The following HDGFL3 variants were observed in gnomAD, a reference collection of about 807,000 sequenced individuals.
The protein encoded by HDGFL3 is hepatoma-derived growth factor-related protein 3.
Under a neutral mutation model 27.6 loss-of-function variants are expected in HDGFL3, and 6 were observed. The observed-to-expected ratio is 0.22, with a 90% CI of 0.12 to 0.43. The LOEUF is 0.43. HDGFL3 is among the 20% of genes least tolerant of loss of function. The pLI, the probability that HDGFL3 is intolerant of heterozygous loss-of-function variation, is 1.00. For missense variants in HDGFL3, 207 were observed against 250.1 expected (o/e 0.83, Z 1.16); for synonymous variants, 88 against 88.9 (o/e 0.99, Z 0.05).
chr15:83,122,402 G>T (rs1363746463), intron 3 of HDGFL3, among the ~76,000 whole-genome samples: 1 of 151,332 alleles, frequency 6.6e-6, no homozygotes, highest in African/African-American at 2.4e-5. Context: ...TAGGTAGATA[G>T]ATAGATAGAT....
rs974498305 is a variant in HDGFL3, at chr15:83,137,146, GT to G, written c.*2123del. The G allele has an allele frequency of 2.6e-5, 4 of 152,100 alleles. No homozygotes were observed. Among genetic ancestry groups the G allele is most frequent in the African/African-American group, 9.7e-5 (4 of 41,428 alleles). 9.4% of individuals were successfully genotyped at this position (152,100 alleles called of 1,614,324 possible). A position where few individuals can be genotyped will look rare whatever the true frequency, so the allele number is the denominator to read the frequency against. On this transcript the variant is annotated 3_prime_UTR_variant, in exon 6 of 6. Coordinates refer to ENST00000299633, the MANE Select transcript of HDGFL3 (RefSeq NM_016073.4). Reference sequence around the variant, plus strand: ...GCAAATCATCAGAATATTTTTAAATGTTGTTTGAAAAATGTTTTCCCAAGGA... The same window carrying G: ...GCAAATCATCAGAATATTTTTAAATGTGTTTGAAAAATGTTTTCCCAAGGA...
chr15:83,176,392 T>C (rs2037311441), intron 1 of HDGFL3, among the ~76,000 whole-genome samples: 1 of 152,186 alleles, frequency 6.6e-6, no homozygotes, highest in African/African-American at 2.4e-5. Context: ...AAACTGAATT[T>C]TGAATACTTA....
chr15:83,119,633 C>G (rs201945324), intron 3 of HDGFL3: 14 of 1,614,196 alleles, frequency 8.7e-6, no homozygotes, highest in East Asian at 2.2e-5. Flanking sequence ...TGGGATGGCT[C>G]TGCTCATTAT....
chr15:83,144,804 G>A (rs1304363753), intron 5 of HDGFL3: 6 of 338,272 alleles, frequency 1.8e-5, no homozygotes, highest in Non-Finnish European at 2.9e-5. Flanking sequence ...CACCTGAATG[G>A]ACTGTTGATG....
intron 1 of HDGFL3, among the ~76,000 whole-genome samples, chr15:83,171,711 T>C (rs2037248507): frequency 6.6e-6 from 1 of 151,836 alleles, no homozygotes; most frequent in Non-Finnish European, 1.5e-5. Context: ...AATGCAAAGA[T>C]GAGAACAGTA....
chr15:83,139,118 AG>A lies in HDGFL3; in HGVS notation c.*151del, dbSNP rs2036715345. 2.2e-6 allele frequency: 1 copy of A among 448,824 alleles called. No individual in the cohort carries two copies. The highest frequency in any genetic ancestry group is 4.0e-6 in the Non-Finnish European group (1 of 250,222). 27.8% of individuals were successfully genotyped at this position (448,824 alleles called of 1,614,324 possible). A position where few individuals can be genotyped will look rare whatever the true frequency, so the allele number is the denominator to read the frequency against. ...ATGTCTTTTCCCCCCGAAACACAAC[AG>A]AGAGGAATATGAATAATGTACATAC... On this transcript the variant is annotated 3_prime_UTR_variant, in exon 6 of 6. Transcript: ENST00000299633.
intron 1 of HDGFL3, among the ~76,000 whole-genome samples, chr15:83,166,528 C>T (rs1394625179): frequency 6.6e-6 from 1 of 152,170 alleles, no homozygotes; most frequent in Non-Finnish European, 1.5e-5. Context: ...ACAGAGCCTG[C>T]AGACCCTATA....
At chr15:83,146,232 G>T (rs1386494950) in intron 5 of HDGFL3, among the ~76,000 whole-genome samples, 1 of 151,978 alleles carries the variant, frequency 6.6e-6, no homozygotes, top group Non-Finnish European at 1.5e-5. Context: ...TGTAAATACT[G>T]TCTTAAGCCA....
intron 3 of HDGFL3, among the ~76,000 whole-genome samples, chr15:83,116,530 T>C (rs1243218074): frequency 6.6e-6 from 1 of 152,244 alleles, no homozygotes; most frequent in African/African-American, 2.4e-5. Context: ...TCTTCATCCA[T>C]GTTCAGATAA....
rs1483541825 is a variant in HDGFL3, at chr15:83,136,873, T to C, written c.*2397A>G. ...GGAAATTCTTGAGAAACAGTTTGTT[T>C]AAAGAAATATATTCAAAATCATTTG... On this transcript the variant is annotated 3_prime_UTR_variant, in exon 6 of 6. Coordinates refer to ENST00000299633, the MANE Select transcript of HDGFL3 (RefSeq NM_016073.4). 1 of 391,058 alleles carries C rather than the reference T, an allele frequency of 2.6e-6. No individual in the cohort carries two copies. Among genetic ancestry groups the C allele is most frequent in the African/African-American group, 2.1e-5 (1 of 48,534 alleles). 24.2% of individuals were successfully genotyped at this position (391,058 alleles called of 1,614,324 possible). A position where few individuals can be genotyped will look rare whatever the true frequency, so the allele number is the denominator to read the frequency against.
chr15:83,127,568 C>G, downstream of HDGFL3: 2 of 1,411,362 alleles, frequency 1.4e-6, no homozygotes, highest in Non-Finnish European at 2.0e-6. Context: ...GTGTTTTAGA[C>G]TAGGAGATAG....
At chr15:83,195,029 A>G (rs1023171377) in intron 1 of HDGFL3, among the ~76,000 whole-genome samples, 12 of 152,210 alleles carry the variant, frequency 7.9e-5, no homozygotes, top group African/African-American at 2.9e-4. Flanking sequence ...TAGTTGTATT[A>G]CAAATAATGT....
In HDGFL3 at chr15:83,131,796, G is replaced by A. The variant is rs1047583894; in HGVS notation, c.*7474C>T. 6.6e-5 allele frequency: 10 copies of A among 152,180 alleles called. No homozygotes were observed. The highest frequency in any genetic ancestry group is 1.9e-4 in the African/African-American group (8 of 41,446). 9.4% of individuals were successfully genotyped at this position (152,180 alleles called of 1,614,324 possible). Reference sequence around the variant, plus strand: ...ACATTTTAGACCAAAGAGTTCCACTGGGGACTTACTCATAACCCAGGTATC... The same window carrying A: ...ACATTTTAGACCAAAGAGTTCCACTAGGGACTTACTCATAACCCAGGTATC... On this transcript the variant is annotated 3_prime_UTR_variant, in exon 6 of 6. Transcript: ENST00000299633.
intron 3 of HDGFL3, chr15:83,122,711 T>C (rs766446510): frequency 6.2e-7 from 1 of 1,602,682 alleles, no homozygotes; most frequent in Admixed American, 1.7e-5. Flanking sequence ...TTACTTGTGT[T>C]AGATATGCTT....
intron 3 of HDGFL3, among the ~76,000 whole-genome samples, chr15:83,118,002 G>A (rs955420707): frequency 3.9e-5 from 6 of 152,168 alleles, no homozygotes; most frequent in Admixed American, 6.5e-5. Flanking sequence ...CTGCATAGGA[G>A]AATGAGGAAT....
intron 2 of HDGFL3, among the ~76,000 whole-genome samples, chr15:83,159,313 A>C (rs2037068716): frequency 3.9e-5 from 6 of 152,254 alleles, no homozygotes; most frequent in Admixed American, 3.9e-4. Context: ...AATAGATCAG[A>C]GTCTTTAGCA....
intron 1 of HDGFL3, among the ~76,000 whole-genome samples, chr15:83,180,350 A>C (rs1172448936): frequency 6.6e-6 from 1 of 152,218 alleles, no homozygotes; most frequent in Admixed American, 6.5e-5. Context: ...GTCTCTGAGC[A>C]TGCCAATGAG....
At chr15:83,174,395 A>G (rs1197626392) in intron 1 of HDGFL3, among the ~76,000 whole-genome samples, 3 of 151,978 alleles carry the variant, frequency 2.0e-5, no homozygotes, top group Non-Finnish European at 2.9e-5. Flanking sequence ...TGGCAAGGCT[A>G]TTGTAACAGT....
At chr15:83,168,142 G>T (rs2037196318) in intron 1 of HDGFL3, among the ~76,000 whole-genome samples, 1 of 152,114 alleles carries the variant, frequency 6.6e-6, no homozygotes, top group Non-Finnish European at 1.5e-5. Context: ...CAAAATCTCA[G>T]GGATACAGCA....
Sources: gnomAD v4.1 joint callset for allele counts (sites outside exome capture counted in the v4.1 genomes callset) on GRCh38, gnomAD v4.1.1 for gene constraint, MANE v1.5 for transcripts, NCBI Gene and HGNC (gene_info 2026-07-23, HGNC 2026-07-21) for gene names.